The following SYT14 variants were observed in gnomAD, a reference collection of about 807,000 sequenced individuals.
SYT14 encodes synaptotagmin-14.
Under a neutral mutation model 74.2 loss-of-function variants are expected in SYT14, and 32 were observed. The observed-to-expected ratio is 0.43, with a 90% CI of 0.33 to 0.58. The LOEUF (loss-of-function observed/expected upper bound fraction) is 0.58. Among genes scored for constraint, SYT14 ranks in the 20% least tolerant of loss-of-function variants. The probability of loss-of-function intolerance (pLI) is 0.05; values close to 1 mark genes in which losing one functional copy is unlikely to be tolerated. For synonymous variants in SYT14, 298 were observed against 337.7 expected, an observed-to-expected ratio of 0.88 and a Z score of 1.29; for missense variants, 791 against 981.8, an observed-to-expected ratio of 0.81 and a Z score of 2.60.
At chr1:210,134,391 GCCA>G (rs2082738908) in intron 7 of SYT14, among the ~76,000 whole-genome samples, 1 of 152,074 alleles carries the variant, frequency 6.6e-6, no homozygotes, top group South Asian at 2.1e-4. Flanking sequence ...ACAGGTGTGA[GCCA>G]CCACACCCTG....
At chr1:210,105,470 A>G (rs949169855) in intron 7 of SYT14, among the ~76,000 whole-genome samples, 4 of 152,222 alleles carry the variant, frequency 2.6e-5, no homozygotes, top group Non-Finnish European at 4.4e-5. Flanking sequence ...TCTGTTGCCA[A>G]TCCAAAATCG....
chr1:210,049,881 G>A (rs1164492437), intron 5 of SYT14, among the ~76,000 whole-genome samples: 1 of 152,208 alleles, frequency 6.6e-6, no homozygotes, highest in African/African-American at 2.4e-5. Context: ...ACAGCACAGA[G>A]ACCCTGGGCC....
intron 7 of SYT14, among the ~76,000 whole-genome samples, chr1:210,110,729 A>G (rs12133371): frequency 0.067 from 10,237 of 152,266 alleles, 486 homozygotes; most frequent in Middle Eastern, 0.11. Context: ...TCATATCTTT[A>G]TAGAAATATA....
At chr1:209,965,569 A>G (rs1030631424) in intron 2 of SYT14, among the ~76,000 whole-genome samples, 1 of 152,218 alleles carries the variant, frequency 6.6e-6, no homozygotes, top group African/African-American at 2.4e-5. Context: ...CTTTGGGCAT[A>G]TACCCGGTAA....
At chr1:210,037,805 G>A (rs1477256772) in intron 5 of SYT14, among the ~76,000 whole-genome samples, 1 of 151,924 alleles carries the variant, frequency 6.6e-6, no homozygotes, top group East Asian at 1.9e-4. Context: ...GAAGATATTT[G>A]ATATGATTTT....
chr1:210,046,628 CTT>C (rs1377346374), intron 5 of SYT14, among the ~76,000 whole-genome samples: 3 of 152,144 alleles, frequency 2.0e-5, no homozygotes, highest in East Asian at 1.9e-4. Context: ...CGTGAAGTCT[CTT>C]GTGTCTGGCT....
intron 5 of SYT14, among the ~76,000 whole-genome samples, chr1:210,069,257 C>A (rs1463799846): frequency 1.3e-5 from 2 of 151,868 alleles, no homozygotes; most frequent in East Asian, 3.9e-4. Flanking sequence ...TTCTCTAATT[C>A]TTCGTTATAA....
chr1:210,068,574 T>C (rs2081337643), intron 5 of SYT14, among the ~76,000 whole-genome samples: 5 of 151,814 alleles, frequency 3.3e-5, no homozygotes. Flanking sequence ...AATACTTTAA[T>C]GTAGGTGTCA....
intron 7 of SYT14, among the ~76,000 whole-genome samples, chr1:210,126,768 C>G (rs530064198): frequency 4.2e-4 from 64 of 152,290 alleles, no homozygotes; most frequent in African/African-American, 1.5e-3. Flanking sequence ...GCTGAATTCT[C>G]TCTTTGTGGA....
At chr1:210,081,506 A>G (rs1046896001) in intron 5 of SYT14, among the ~76,000 whole-genome samples, 1 of 152,234 alleles carries the variant, frequency 6.6e-6, no homozygotes, top group Non-Finnish European at 1.5e-5. Context: ...TATTATGCCA[A>G]AAACAATTTA....
chr1:210,131,575 A>G (rs1572353855), intron 7 of SYT14, among the ~76,000 whole-genome samples: 1 of 151,640 alleles, frequency 6.6e-6, no homozygotes, highest in South Asian at 2.1e-4. Flanking sequence ...ACATATACAT[A>G]TTTACATTTA....
chr1:210,111,642 CTG>C (rs2082264173), intron 7 of SYT14, among the ~76,000 whole-genome samples: 1 of 151,012 alleles, frequency 6.6e-6, no homozygotes, highest in African/African-American at 2.5e-5. Context: ...AGGGGTAATA[CTG>C]TAGGGTTGTT....
At chr1:210,098,914 G>A (rs1037526260) in intron 6 of SYT14, among the ~76,000 whole-genome samples, 1 of 151,940 alleles carries the variant, frequency 6.6e-6, no homozygotes, top group African/African-American at 2.4e-5. Context: ...GGTTGGTCTC[G>A]AACTCCTGAC....
At chr1:210,132,022 C>G (rs1468126257) in intron 7 of SYT14, among the ~76,000 whole-genome samples, 1 of 152,116 alleles carries the variant, frequency 6.6e-6, no homozygotes, top group Non-Finnish European at 1.5e-5. Flanking sequence ...CGGAAACACT[C>G]TCCTTACTCT....
chr1:209,974,239 G>T (rs1190374963), intron 2 of SYT14, among the ~76,000 whole-genome samples: 20 of 152,022 alleles, frequency 1.3e-4, no homozygotes, highest in Non-Finnish European at 2.9e-4. Context: ...GTCAATTTTG[G>T]CTTTTGTTAC....
chr1:210,080,241 T>C (rs1034119791), intron 5 of SYT14, among the ~76,000 whole-genome samples: 4 of 152,222 alleles, frequency 2.6e-5, no homozygotes. Context: ...TTTAATTGTT[T>C]AGGCAATTTT....
chr1:209,976,417 T>A (rs2079366075), intron 2 of SYT14, among the ~76,000 whole-genome samples: 1 of 151,972 alleles, frequency 6.6e-6, no homozygotes, highest in South Asian at 2.1e-4. Context: ...TTGTTCTCGT[T>A]GGTTTCAAAG....
intron 5 of SYT14, among the ~76,000 whole-genome samples, chr1:210,066,645 G>A (rs1330063531): frequency 3.9e-5 from 6 of 151,974 alleles, no homozygotes; most frequent in Non-Finnish European, 8.8e-5. Flanking sequence ...AGATGAGTAG[G>A]TTGCAAAAAT....
At chr1:210,044,152 A>AACATCT (rs2080845104) in intron 5 of SYT14, among the ~76,000 whole-genome samples, 1 of 152,118 alleles carries the variant, frequency 6.6e-6, no homozygotes, top group African/African-American at 2.4e-5. Flanking sequence ...AAGGTGCATA[A>AACATCT]ACATCTACTT....
Sources: allele counts gnomAD v4.1 joint callset (sites outside exome capture counted in the v4.1 genomes callset), GRCh38; gene constraint gnomAD v4.1.1; transcripts MANE v1.5; gene names NCBI Gene and HGNC (gene_info 2026-07-23, HGNC 2026-07-21).